The following APBA2 variants were observed in gnomAD, a reference collection of about 807,000 sequenced individuals.
APBA2 encodes the protein amyloid beta precursor protein binding family A member 2.
A neutral mutation model predicts 75.0 loss-of-function variants in APBA2; 30 were observed. The ratio of observed to expected loss-of-function variants is 0.40; its 90% CI spans 0.30 to 0.54. The LOEUF (loss-of-function observed/expected upper bound fraction) is 0.54, where lower values mean the gene tolerates loss of function less well. Among genes scored for constraint, APBA2 ranks in the 20% least tolerant of loss-of-function variants. APBA2 has a pLI of 0.49. For missense variants in APBA2, 801 were observed against 1,016.1 expected, an observed-to-expected ratio of 0.79 and a Z score of 2.88; for synonymous variants, 444 against 409.6, an observed-to-expected ratio of 1.08 and a Z score of -1.01.
intron 2 of APBA2, among the ~76,000 whole-genome samples, chr15:28,944,901 AG>A (rs2152711144): frequency 6.6e-6 from 1 of 152,334 alleles, no homozygotes; most frequent in Admixed American, 6.5e-5. Flanking sequence ...CACCTGGAAG[AG>A]CAGGTGGAGT....
At chr15:29,008,798 C>T (rs1329047727) in intron 3 of APBA2, among the ~76,000 whole-genome samples, 1 of 152,190 alleles carries the variant, frequency 6.6e-6, no homozygotes, top group Non-Finnish European at 1.5e-5. Flanking sequence ...CACAGTCATT[C>T]GTGCCCCTGA....
chr15:28,889,149 G>C (rs889296796), intron 1 of APBA2, among the ~76,000 whole-genome samples: 4 of 152,104 alleles, frequency 2.6e-5, no homozygotes, highest in Non-Finnish European at 5.9e-5. Context: ...GGTCCAGCTC[G>C]TGTCTCAGAG....
intron 2 of APBA2, among the ~76,000 whole-genome samples, chr15:28,942,847 T>C (rs558735842): frequency 1.3e-5 from 2 of 152,118 alleles, no homozygotes; most frequent in East Asian, 3.9e-4. Flanking sequence ...GCGTGGGGCT[T>C]CTCCCCGGGC....
Position 29,054,840 on chromosome 15 carries a change from G to A in APBA2, c.951+5G>A. 1 of 1,595,580 alleles carries A rather than the reference G, an allele frequency of 6.3e-7. No individual in the cohort carries two copies. The highest frequency in any genetic ancestry group is 8.5e-7 in the Non-Finnish European group (1 of 1,178,050). ...CTGAAGTGGCCCCACGAGCAGGTAG[G>A]ACCCTGGCTGTCCTGGGGAAGGGAG... On this transcript the variant is annotated splice_donor_5th_base_variant and intron_variant, in intron 4 of 14. Coordinates refer to ENST00000683413, the MANE Select transcript of APBA2 (RefSeq NM_001353788.2). This position sits in a 1 kb window ranked among gnomAD's most constrained non-coding sequence, Gnocchi z 6.1.
intron 3 of APBA2, among the ~76,000 whole-genome samples, chr15:29,000,259 G>A (rs2038774920): frequency 1.3e-5 from 2 of 152,210 alleles, no homozygotes; most frequent in Admixed American, 1.3e-4. Context: ...AACCAGATTA[G>A]AACAGAAGAT....
chr15:28,935,188 G>T (rs991964471), intron 2 of APBA2, among the ~76,000 whole-genome samples: 2 of 152,176 alleles, frequency 1.3e-5, no homozygotes. Flanking sequence ...TAAATCACAG[G>T]TCGCCTTAAA....
At chr15:28,992,850 G>A (rs58281450) in intron 2 of APBA2, among the ~76,000 whole-genome samples, 12,033 of 152,292 alleles carry the variant, frequency 0.079, 654 homozygotes, top group East Asian at 0.27. Context: ...TACACTTGGA[G>A]AGCAGAGTGT....
chr15:28,893,378 T>C (rs948289427), intron 1 of APBA2, among the ~76,000 whole-genome samples: 1 of 152,226 alleles, frequency 6.6e-6, no homozygotes, highest in Non-Finnish European at 1.5e-5. Context: ...ACCTCCAGCC[T>C]CTTACTGATT....
intron 9 of APBA2, among the ~76,000 whole-genome samples, 153 bp from the exon 10 acceptor site, chr15:29,101,446 G>T (rs568637911): frequency 6.6e-6 from 1 of 152,222 alleles, no homozygotes; most frequent in South Asian, 2.1e-4. Flanking sequence ...TTGCCAGGCT[G>T]GTCTTGAACT....
chr15:29,020,702 C>CGGGA (rs912863285), intron 3 of APBA2, among the ~76,000 whole-genome samples: 2 of 151,842 alleles, frequency 1.3e-5, no homozygotes, highest in Admixed American at 1.3e-4. Context: ...CCCAGCTACT[C>CGGGA]GGGAGGCTGG....
intron 1 of APBA2, among the ~76,000 whole-genome samples, chr15:28,917,115 C>T (rs1056108342): frequency 6.6e-5 from 10 of 152,270 alleles, no homozygotes; most frequent in African/African-American, 2.2e-4. Context: ...TGGGAGAAGC[C>T]AGGGACCCGG....
chr15:29,033,663 A>G (rs4779705), intron 3 of APBA2, among the ~76,000 whole-genome samples: 20,125 of 152,046 alleles, frequency 0.13, 3,140 homozygotes, highest in African/African-American at 0.37. Context: ...AGAACCAGAC[A>G]AAAGAAGGAA....
intron 2 of APBA2, among the ~76,000 whole-genome samples, chr15:28,975,782 T>C (rs2037303742): frequency 6.6e-6 from 1 of 152,236 alleles, no homozygotes; most frequent in Admixed American, 6.5e-5. Flanking sequence ...AAATATAGAT[T>C]ATAACAAGAT....
rs780592989 is a variant in APBA2, at chr15:29,108,580, G to A, written c.2037+191G>A. The A allele has an allele frequency of 8.9e-5, 74 of 833,574 alleles. No homozygotes were observed. The Middle Eastern group carries it at 1.4e-3, about 16-fold the overall frequency. 51.6% of individuals were successfully genotyped at this position (833,574 alleles called of 1,614,324 possible). Reference sequence around the variant, plus strand: ...TCTCTGGGAGGTCCTGGCTAGAAGGGGAGGGCCAGGGCATGGCCGTGGATT... The same window carrying A: ...TCTCTGGGAGGTCCTGGCTAGAAGGAGAGGGCCAGGGCATGGCCGTGGATT... On this transcript the variant is annotated intron_variant, in intron 13 of 14. Transcript: ENST00000683413.
chr15:29,027,478 C>A (rs2040277234), intron 3 of APBA2, among the ~76,000 whole-genome samples: 1 of 151,920 alleles, frequency 6.6e-6, no homozygotes, highest in Non-Finnish European at 1.5e-5. Flanking sequence ...TAATTATGGG[C>A]TTTTCAGTTC....
intron 1 of APBA2, among the ~76,000 whole-genome samples, chr15:28,896,703 G>C (rs1198363401): frequency 6.6e-6 from 1 of 152,170 alleles, no homozygotes; most frequent in Non-Finnish European, 1.5e-5. Context: ...CTGGAGATGG[G>C]CTATCATTGT....
At chr15:29,058,560 G>A (rs1355984365) in intron 4 of APBA2, among the ~76,000 whole-genome samples, 1 of 152,110 alleles carries the variant, frequency 6.6e-6, no homozygotes, top group Non-Finnish European at 1.5e-5. Context: ...TAAGAAGTAG[G>A]TTGTGTGGCC....
At chr15:29,035,712 C>T (rs1307900734) in intron 3 of APBA2, among the ~76,000 whole-genome samples, 1 of 152,132 alleles carries the variant, frequency 6.6e-6, no homozygotes, top group East Asian at 1.9e-4. Context: ...GACGTGCGGG[C>T]CCTGGACCAG....
chr15:29,117,240 C>T lies in APBA2; in HGVS notation c.*107C>T, dbSNP rs1037229630. 20 of 1,044,208 alleles carry T rather than the reference C, an allele frequency of 1.9e-5. No homozygotes were observed. The highest frequency in any genetic ancestry group is 7.7e-5 in the South Asian group (6 of 78,150). 64.7% of individuals were successfully genotyped at this position (1,044,208 alleles called of 1,614,324 possible). A position where few individuals can be genotyped will look rare whatever the true frequency, so the allele number is the denominator to read the frequency against. ...TGACCCCGACGCCACAGCCCAGCCA[C>T]GGACGCTGGCTCCCCAAAGGGTGTG... On this transcript the variant is annotated 3_prime_UTR_variant, in exon 15 of 15. Transcript: ENST00000683413.
Sources: allele counts gnomAD v4.1 joint callset (sites outside exome capture counted in the v4.1 genomes callset), GRCh38; gene constraint gnomAD v4.1.1; non-coding constraint Gnocchi (gnomAD v3.1); transcripts MANE v1.5; gene names NCBI Gene and HGNC (gene_info 2026-07-23, HGNC 2026-07-21).